Variants in TNIP1 observed in about 807,000 individuals in gnomAD.
TNIP1 encodes the protein TNFAIP3 interacting protein 1.
A neutral mutation model predicts 86.6 loss-of-function variants in TNIP1; 22 were observed. The ratio of observed to expected loss-of-function variants is 0.25; its 90% confidence interval spans 0.18 to 0.36. TNIP1 has a LOEUF of 0.36. TNIP1 is among the 10% of genes least tolerant of loss of function. The pLI is 1.00. For missense variants in TNIP1, 709 were observed against 820.6 expected, an observed-to-expected ratio of 0.86 and a Z score of 1.66; for synonymous variants, 294 against 313.0, an observed-to-expected ratio of 0.94 and a Z score of 0.64.
intron 17 of TNIP1, among the ~76,000 whole-genome samples, chr5:151,031,269 C>T (rs1443365187): frequency 1.3e-5 from 2 of 152,208 alleles, no homozygotes; most frequent in African/African-American, 4.8e-5. Flanking sequence ...CAAAGGGACA[C>T]TCGCCACCTC....
rs769559664 is a variant in TNIP1 at position 151,056,938 on chromosome 5, C to G, written c.455G>C (p.Arg152Pro). The G allele has an allele frequency of 6.4e-7, 1 of 1,553,590 alleles. No homozygotes were observed. The highest frequency in any genetic ancestry group is 8.7e-7 in the Non-Finnish European group (1 of 1,148,888). ...GTGCAGCATCAGGTTGCCGTCCTCACGGGGCAGGGGGCCCAGCGCCTGGAG... is the reference window on the plus strand; with the variant it reads ...GTGCAGCATCAGGTTGCCGTCCTCAGGGGGCAGGGGGCCCAGCGCCTGGAG... Reference protein sequence around the residue: ...ANAMALGPLPREDGNLMLHLQ... With the variant: ...ANAMALGPLPPEDGNLMLHLQ... The change falls in exon 6 of 18, where the codon CGT becomes CCT. Residue 152 changes from arginine (R) to proline (P), a missense_variant. Arg to Pro is a moderately radical substitution (Grantham distance 103). Transcript: ENST00000521591.
At chr5:151,034,325 T>C (rs1291033022) in intron 15 of TNIP1, among the ~76,000 whole-genome samples, 1 of 137,724 alleles carries the variant, frequency 7.3e-6, no homozygotes, top group Non-Finnish European at 1.5e-5. Context: ...GCTAGGTACA[T>C]GGGCAGTGAA....
intron 1 of TNIP1, among the ~76,000 whole-genome samples, chr5:151,086,629 A>G (rs1487937761): frequency 6.6e-6 from 1 of 152,180 alleles, no homozygotes; most frequent in Non-Finnish European, 1.5e-5. Context: ...ACACCCACAC[A>G]GAAAGACACA....
intron 2 of TNIP1, among the ~76,000 whole-genome samples, chr5:151,064,402 C>T (rs1443165910): frequency 1.3e-5 from 2 of 152,200 alleles, no homozygotes; most frequent in Non-Finnish European, 2.9e-5. Flanking sequence ...TCAATGAAAG[C>T]CTTGTCTGGA....
intron 3 of TNIP1, 66 bp downstream of exon 3, chr5:151,063,547 C>A (rs555907731): frequency 8.0e-5 from 126 of 1,576,852 alleles, no homozygotes; most frequent in Middle Eastern, 6.8e-4. Flanking sequence ...GAAGGGAGTT[C>A]ACTGTGAAGG....
At chr5:151,033,059 G>C (rs1193442954) in intron 16 of TNIP1, among the ~76,000 whole-genome samples, 1 of 142,474 alleles carries the variant, frequency 7.0e-6, no homozygotes, top group African/African-American at 2.6e-5. Context: ...CTGGGAGGCA[G>C]AGGTTGCAAT....
intron 1 of TNIP1, among the ~76,000 whole-genome samples, chr5:151,066,474 T>G (rs965759145): frequency 2.6e-5 from 4 of 151,980 alleles, no homozygotes; most frequent in Admixed American, 6.5e-5. Context: ...TCAAAGACCC[T>G]CCCAAGTCCA....
chr5:151,074,927 G>A lies in TNIP1; in HGVS notation c.-37+5953C>T, dbSNP rs547103866. 6.3e-4 allele frequency among the ~76,000 whole-genome samples: 96 copies of A among 152,166 alleles called. 3 individuals carry two copies. The South Asian group carries it at 0.018, about 29-fold the overall frequency. Reference sequence around the variant, plus strand: ...CAAGTAGCTGGAACTACAGGCATGCGCCACCACACCCAGCTAATTTTTGTA... The same window carrying A: ...CAAGTAGCTGGAACTACAGGCATGCACCACCACACCCAGCTAATTTTTGTA... On this transcript the variant is annotated intron_variant, in intron 1 of 17. Transcript: ENST00000521591.
At chr5:151,083,791 C>T (rs905279966), upstream of TNIP1, among the ~76,000 whole-genome samples, 5 of 152,188 alleles carry the variant, frequency 3.3e-5, no homozygotes, top group African/African-American at 1.2e-4. Flanking sequence ...TATGAAAAAT[C>T]CATCTATAAC....
intron 1 of TNIP1, among the ~76,000 whole-genome samples, chr5:151,065,365 T>C (rs1762103934): frequency 6.6e-6 from 1 of 152,162 alleles, no homozygotes; most frequent in Non-Finnish European, 1.5e-5. Context: ...TGTTGGCTTG[T>C]TTGGAACAGG....
chr5:151,042,840 G>A, intron 10 of TNIP1, 56 bp downstream of exon 10: 2 of 1,609,840 alleles, frequency 1.2e-6, no homozygotes, highest in African/African-American at 1.3e-5. Flanking sequence ...TGCTAAAGAG[G>A]CAGCGAGATG....
intron 11 of TNIP1, among the ~76,000 whole-genome samples, chr5:151,040,131 A>T (rs564230558): frequency 3.0e-4 from 46 of 152,356 alleles, no homozygotes; most frequent in African/African-American, 1.1e-3. Context: ...AGCACAGTGC[A>T]GTGGAAAGAC....
At chr5:151,032,223 C>T in intron 17 of TNIP1, 64 bp downstream of exon 17, 1 of 1,395,846 alleles carries the variant, frequency 7.2e-7, no homozygotes, top group Non-Finnish European at 1.0e-6. Flanking sequence ...CAAACTCAGG[C>T]AATGCTGGCA....
At chr5:151,084,511 C>T (rs1293486205), upstream of TNIP1, among the ~76,000 whole-genome samples, 7 of 151,852 alleles carry the variant, frequency 4.6e-5, no homozygotes, top group South Asian at 8.3e-4. Context: ...TGGAGCCACA[C>T]CAAGGGCCAG....
rs746540532 is a variant in TNIP1 at position 151,033,736 on chromosome 5, C to T, written c.1651G>A (p.Ala551Thr). Residue 551 changes from alanine to threonine, a missense_variant, in exon 16 of 18, where the codon GCC becomes ACC. By Grantham distance (58) the Ala-to-Thr change is moderately conservative (BLOSUM62 0). Coordinates refer to ENST00000521591, the MANE Select transcript of TNIP1 (RefSeq NM_006058.5). ...ACCATGGCTGGCATGGGCGGGTAGG[C>T]GTAGGGGTAGGCCCCGCAGAGATGT... ...PEHLCGAYPY[A>T]YPPMPAMVPH... The T allele has an allele frequency of 5.1e-6, 7 of 1,359,510 alleles. No individual in the cohort carries two copies. Among genetic ancestry groups the T allele is most frequent in the South Asian group, 2.3e-5 (1 of 43,860 alleles). The allele number at this position is 1,359,510 out of a possible 1,614,324, so 84.2% of individuals were successfully genotyped here.
upstream of TNIP1, among the ~76,000 whole-genome samples, chr5:151,081,519 A>C (rs1764026544): frequency 6.6e-6 from 1 of 152,196 alleles, no homozygotes; most frequent in Admixed American, 6.5e-5. Context: ...AAGCTATAGA[A>C]ATTCCGAGCT....
chr5:151,033,196 AGGAGCGGAGG>A (rs1432196770), intron 16 of TNIP1, among the ~76,000 whole-genome samples: 1 of 112,284 alleles, frequency 8.9e-6, no homozygotes, highest in Non-Finnish European at 1.8e-5. Flanking sequence ...GGGAGGGGAG[AGGAGCGGAGG>A]GGAGGGGAGG....
intron 12 of TNIP1, 103 bp downstream of exon 12, chr5:151,038,994 G>A (rs1758058085): frequency 3.4e-6 from 5 of 1,460,464 alleles, no homozygotes; most frequent in East Asian, 2.4e-5. Flanking sequence ...CTGACTGGGG[G>A]TTACCCTTCC....
chr5:151,077,946 G>A (rs968501779), intron 1 of TNIP1, among the ~76,000 whole-genome samples: 2 of 152,188 alleles, frequency 1.3e-5, no homozygotes, highest in African/African-American at 4.8e-5. Context: ...CTAAGTTCCA[G>A]AAGAGACCCA....
Sources: gnomAD v4.1 joint callset for allele counts (sites outside exome capture counted in the v4.1 genomes callset) on GRCh38, gnomAD v4.1.1 for gene constraint, MANE v1.5 for transcripts, NCBI Gene and HGNC (gene_info 2026-07-23, HGNC 2026-07-21) for gene names.